Variants in TNS1 observed in about 807,000 individuals in gnomAD.
TNS1 encodes the protein tensin 1, also known as tensin-1.
TNS1 carries 62 observed loss-of-function variants against 168.6 expected under a neutral mutation model. The observed-to-expected ratio is 0.37, with a 90% confidence interval of 0.30 to 0.45. The LOEUF is 0.45. Among genes scored for constraint, TNS1 ranks in the 20% least tolerant of loss-of-function variants. The pLI is 1.00. For missense variants in TNS1, 2,240 were observed against 2,339.4 expected (o/e 0.96, Z 0.88); for synonymous variants, 934 against 933.2 (o/e 1.00, Z -0.02).
At chr2:217,877,848 G>A (rs1950325267) in intron 18 of TNS1, among the ~76,000 whole-genome samples, 1 of 152,178 alleles carries the variant, frequency 6.6e-6, no homozygotes, top group Admixed American at 6.5e-5. Flanking sequence ...ACGAGAGGAT[G>A]CAGGCCAGAG....
chr2:218,016,580 C>T (rs962072872), intron 1 of TNS1, among the ~76,000 whole-genome samples: 1 of 152,178 alleles, frequency 6.6e-6, no homozygotes, highest in Non-Finnish European at 1.5e-5. Flanking sequence ...CAGCCCGGGG[C>T]CCTCAGTCCA....
Position 217,970,698 on chromosome 2 carries a change from G to A in TNS1, c.186+8067C>T, listed in dbSNP as rs141645439. ...AGAGACGGGAAGATTAGTGGCTACT[G>A]ATTGCTGGGGTGAGGTCGGGGAGAG... On this transcript the variant is annotated intron_variant, in intron 3 of 32. Coordinates refer to ENST00000682258, the MANE Select transcript of TNS1 (RefSeq NM_001387777.1). Among the ~76,000 whole-genome samples, 110 of 152,292 alleles carry A rather than the reference G, an allele frequency of 7.2e-4. 1 individual carries two copies. Among genetic ancestry groups the A allele is most frequent in the African/African-American group, 2.6e-3 (108 of 41,546 alleles).
intron 19 of TNS1, among the ~76,000 whole-genome samples, chr2:217,845,136 G>T (rs1946473880): frequency 6.6e-6 from 1 of 152,216 alleles, no homozygotes; most frequent in Admixed American, 6.5e-5. Context: ...GATCAAAGTG[G>T]AATAAACCAG....
intron 30 of TNS1, 183 bp downstream of exon 30, chr2:217,809,640 C>CATGG (rs1940438467): frequency 9.1e-6 from 5 of 548,832 alleles, no homozygotes; most frequent in South Asian, 4.4e-5. Flanking sequence ...TGGATGGGTG[C>CATGG]ATGGATGGAT....
At chr2:217,934,768 A>C (rs767700714) in intron 3 of TNS1, among the ~76,000 whole-genome samples, 6 of 151,736 alleles carry the variant, frequency 4.0e-5, no homozygotes, top group Admixed American at 6.6e-5. Context: ...TGCTGGAAGG[A>C]CCTCCCCAGC....
chr2:217,894,949 G>A (rs367994947), intron 9 of TNS1, 57 bp downstream of exon 9: 32 of 1,514,436 alleles, frequency 2.1e-5, no homozygotes, highest in Non-Finnish European at 2.8e-5. Context: ...GAACTCCAGA[G>A]AGGGAGTCCA....
rs10554233 is a variant in TNS1, at chr2:217,910,713, TACACACACACACACACACAC to T, written c.229-3482_229-3463del. On this transcript the variant is annotated intron_variant, in intron 4 of 32. Transcript: ENST00000682258. ...TGTTTCTACAGCTACCACATACACA[TACACACACACACACACACAC>T]ACACACACACACACACACACACACA... Among the ~76,000 whole-genome samples the T allele has an allele frequency of 1.0e-4, 11 of 106,842 alleles. No homozygotes were observed. The East Asian group carries it at 2.1e-3, about 20-fold the overall frequency. The allele number at this position is 106,842 out of a possible 152,430, so 70.1% of individuals were successfully genotyped here.
rs1301428378 is a variant in TNS1, at chr2:217,803,803, A to T, written c.*656T>A. On this transcript the variant is annotated 3_prime_UTR_variant, in exon 33 of 33. Coordinates refer to ENST00000682258, the MANE Select transcript of TNS1 (RefSeq NM_001387777.1). ...GTGTCTACAAACACATGGGACAAGG[A>T]CAAGCCGAGCTGTTTATAATTCGAG... The T allele has an allele frequency of 6.5e-6, 1 of 152,888 alleles. No homozygotes were observed. Among genetic ancestry groups the T allele is most frequent in the African/African-American group, 2.4e-5 (1 of 41,458 alleles). 9.5% of individuals were successfully genotyped at this position (152,888 alleles called of 1,614,324 possible). A position where few individuals can be genotyped will look rare whatever the true frequency, so the allele number is the denominator to read the frequency against.
In TNS1 at chr2:217,835,147, T is replaced by C. The variant is rs1944990088; in HGVS notation, c.3224A>G (p.Lys1075Arg). Residue 1075 changes from lysine (K) to arginine (R), a missense_variant, in exon 21 of 33, where the codon AAG becomes AGG. By Grantham distance (26) the Lys-to-Arg change is conservative. This residue lies in a region of TNS1 where 2,131 missense variants were observed against 2,171.2 expected (regional missense o/e 0.98). Transcript: ENST00000682258. ...RPKEPHLHSY[K>R]EAFEEMEGTS... ...TCCCTCCATCTCCTCGAAGGCCTCC[T>C]TGTAGCTGTGCAAATGGGGCTGTGG... 6.3e-7 allele frequency: 1 copy of C among 1,598,556 alleles called. No individual in the cohort carries two copies. The highest frequency in any genetic ancestry group is 1.1e-5 in the South Asian group (1 of 87,998).
intron 22 of TNS1, among the ~76,000 whole-genome samples, chr2:217,824,467 T>C (rs964632120): frequency 6.6e-6 from 1 of 152,096 alleles, no homozygotes; most frequent in Admixed American, 6.5e-5. Context: ...CAAACAATTA[T>C]ACAGGAAAAG....
intron 18 of TNS1, among the ~76,000 whole-genome samples, chr2:217,863,723 G>C (rs1949005229): frequency 6.6e-6 from 1 of 152,102 alleles, no homozygotes; most frequent in Admixed American, 6.5e-5. Flanking sequence ...AAAACTTCTG[G>C]TTCTATGGAC....
intron 4 of TNS1, among the ~76,000 whole-genome samples, chr2:217,914,075 T>A (rs1050567757): frequency 6.6e-6 from 1 of 151,548 alleles, no homozygotes; most frequent in Non-Finnish European, 1.5e-5. Context: ...ACGCCCTCCC[T>A]CCTTCCCTCC....
upstream of TNS1, among the ~76,000 whole-genome samples, chr2:218,003,599 G>A (rs961160149): frequency 6.6e-6 from 1 of 152,174 alleles, no homozygotes; most frequent in Non-Finnish European, 1.5e-5. Context: ...CAGGCTGTGG[G>A]TTTCATTCCA....
chr2:217,930,396 G>A (rs116071454), intron 3 of TNS1, among the ~76,000 whole-genome samples: 3,242 of 152,298 alleles, frequency 0.021, 109 homozygotes, highest in African/African-American at 0.074. Context: ...GAGGAGAGAT[G>A]CCAGGGGTCA....
In TNS1 at chr2:217,809,978, G is replaced by C. The variant is rs776492731; in HGVS notation, c.5118C>G (p.Leu1706=). 2.5e-6 allele frequency: 4 copies of C among 1,611,872 alleles called. No homozygotes were observed. Among genetic ancestry groups the C allele is most frequent in the South Asian group, 1.1e-5 (1 of 90,978 alleles). The part of the protein sequence containing the change: ...LLKQGAACNV[L]FVNSVDMESL... ...ACTCCATGTCCACAGAGTTGACGAAGAGCACATTGCAGGCTGGAAGAAACC... is the reference window on the plus strand; with the variant it reads ...ACTCCATGTCCACAGAGTTGACGAACAGCACATTGCAGGCTGGAAGAAACC... Residue 1706 remains leucine, a synonymous_variant, in exon 30 of 33, where the codon CTC becomes CTG. Coordinates refer to ENST00000682258, the MANE Select transcript of TNS1 (RefSeq NM_001387777.1).
At chr2:217,980,535 A>AGAGAGAGAGAGAGAGAGAGG (rs1559398475) in intron 2 of TNS1, among the ~76,000 whole-genome samples, 37 of 149,130 alleles carry the variant, frequency 2.5e-4, no homozygotes, top group African/African-American at 8.9e-4. Flanking sequence ...AGAGAGAGAG[A>AGAGAGAGAGAGAGAGAGAGG]GAGAGAGAGA....
chr2:217,846,248 G>T (rs753435116), intron 19 of TNS1, among the ~76,000 whole-genome samples: 16 of 152,144 alleles, frequency 1.1e-4, no homozygotes, highest in Non-Finnish European at 1.8e-4. Flanking sequence ...AAATACTCCT[G>T]CAATGGCCAA....
intron 22 of TNS1, among the ~76,000 whole-genome samples, chr2:217,822,392 AC>A (rs1943006679): frequency 6.6e-6 from 1 of 151,808 alleles, no homozygotes; most frequent in Non-Finnish European, 1.5e-5. Flanking sequence ...TGTGAGCTCC[AC>A]CCCCTGCCCA....
chr2:218,006,491 C>T (rs1958658102), upstream of TNS1, among the ~76,000 whole-genome samples: 1 of 152,238 alleles, frequency 6.6e-6, no homozygotes, highest in Admixed American at 6.5e-5. Context: ...GGCGTTAAGC[C>T]TTTCCTTTGT....
Sources: gnomAD v4.1 joint callset for allele counts (sites outside exome capture counted in the v4.1 genomes callset) on GRCh38, gnomAD v4.1.1 for gene constraint, gnomAD v4.1.1 regional missense constraint, MANE v1.5 for transcripts, NCBI Gene and HGNC (gene_info 2026-07-23, HGNC 2026-07-21) for gene names.